CNBD1: variants seen among roughly 807,000 people sequenced by gnomAD.
CNBD1 encodes cyclic nucleotide binding domain containing 1.
CNBD1 carries 71 observed loss-of-function variants against 54.4 expected under a neutral mutation model. That is an observed-to-expected ratio of 1.30 (90% CI 1.08 to 1.59). The LOEUF (loss-of-function observed/expected upper bound fraction) is 1.59. Among genes scored for constraint, CNBD1 ranks in the 40% most tolerant of loss-of-function variants. CNBD1 has a pLI of 0.00. For synonymous variants in CNBD1, 182 were observed against 170.7 expected (o/e 1.07, Z -0.51); for missense variants, 659 against 518.0 (o/e 1.27, Z -2.64).
At chr8:87,154,634 T>A (rs1019557658) in intron 4 of CNBD1, among the ~76,000 whole-genome samples, 3 of 152,170 alleles carry the variant, frequency 2.0e-5, no homozygotes, top group African/African-American at 7.2e-5. Flanking sequence ...TTTAACTTTA[T>A]TTCATATGGT....
intron 8 of CNBD1, among the ~76,000 whole-genome samples, chr8:87,300,888 A>G (rs1808974807): frequency 6.6e-6 from 1 of 152,136 alleles, no homozygotes; most frequent in Admixed American, 6.6e-5. Flanking sequence ...TCTTTTGTAC[A>G]ATACAAAAGA....
At chr8:87,131,923 C>A (rs1378521301) in intron 4 of CNBD1, among the ~76,000 whole-genome samples, 1 of 151,946 alleles carries the variant, frequency 6.6e-6, no homozygotes, top group African/African-American at 2.4e-5. Flanking sequence ...GATGAATATT[C>A]TTTGTGCTAG....
intron 6 of CNBD1, among the ~76,000 whole-genome samples, chr8:87,255,984 TATATATATATATATATATATATA>T (rs1419199119): frequency 9.9e-5 from 1 of 10,054 alleles, no homozygotes; most frequent in Non-Finnish European, 1.8e-4. Context: ...TATATATATA[TATATATATATATATATATATATA>T]TATATATATT....
intron 8 of CNBD1, among the ~76,000 whole-genome samples, chr8:87,340,250 T>C (rs964687437): frequency 6.6e-6 from 1 of 152,226 alleles, no homozygotes; most frequent in Non-Finnish European, 1.5e-5. Flanking sequence ...CTGATGGTCG[T>C]ATGGAGGTTT....
At chr8:87,239,561 AAG>A (rs1488071265) in intron 6 of CNBD1, among the ~76,000 whole-genome samples, 1 of 152,280 alleles carries the variant, frequency 6.6e-6, no homozygotes, top group Admixed American at 6.5e-5. Flanking sequence ...CCGAACAACT[AAG>A]AAGAAGAAAA....
At chr8:87,098,751 T>G (rs1209569290) in intron 4 of CNBD1, among the ~76,000 whole-genome samples, 2 of 145,496 alleles carry the variant, frequency 1.4e-5, no homozygotes, top group Non-Finnish European at 3.0e-5. Flanking sequence ...AAAAAAAAAC[T>G]CCTGGGCCAG....
chr8:86,937,728 G>A (rs1420522806), intron 3 of CNBD1, among the ~76,000 whole-genome samples: 1 of 103,790 alleles, frequency 9.6e-6, no homozygotes, highest in Non-Finnish European at 2.2e-5. Context: ...CGAGACCCAT[G>A]AAACCATTTT....
intron 6 of CNBD1, among the ~76,000 whole-genome samples, chr8:87,243,902 T>C (rs1196776142): frequency 2.6e-5 from 4 of 152,166 alleles, no homozygotes; most frequent in Non-Finnish European, 5.9e-5. Context: ...TTGATCTATG[T>C]GTGACTGGAG....
chr8:87,265,920 A>G (rs886366472), intron 6 of CNBD1, among the ~76,000 whole-genome samples: 7 of 152,154 alleles, frequency 4.6e-5, no homozygotes, highest in African/African-American at 7.2e-5. Flanking sequence ...CAATAAAACA[A>G]AAAATTCCCA....
rs191642842 is a variant in CNBD1, at chr8:86,896,084, A to T, written c.158+8473A>T. Among the ~76,000 whole-genome samples, 8 of 152,230 alleles carry T rather than the reference A, an allele frequency of 5.3e-5. No individual in the cohort carries two copies. In the East Asian group the frequency reaches 1.5e-3, roughly 29 times the overall value. ...TATTGAGTTTATTTTTGTGTATGGC[A>T]TAAGATAGGGGTACAATTTCATTCT... On this transcript the variant is annotated intron_variant, in intron 2 of 10. Coordinates refer to ENST00000518476, the MANE Select transcript of CNBD1 (RefSeq NM_173538.3).
intron 4 of CNBD1, among the ~76,000 whole-genome samples, chr8:87,194,626 AT>A: frequency 6.6e-6 from 1 of 152,286 alleles, no homozygotes; most frequent in Non-Finnish European, 1.5e-5. Flanking sequence ...CTGAATACTT[AT>A]TTTTAATTTT....
intron 5 of CNBD1, among the ~76,000 whole-genome samples, chr8:87,209,742 C>T (rs1172693242): frequency 6.6e-6 from 1 of 152,088 alleles, no homozygotes; most frequent in Non-Finnish European, 1.5e-5. Context: ...AAGAACAAAG[C>T]TAGAGGCATC....
intron 4 of CNBD1, among the ~76,000 whole-genome samples, chr8:87,152,312 A>C (rs959730987): frequency 2.0e-5 from 3 of 152,074 alleles, no homozygotes; most frequent in African/African-American, 7.2e-5. Flanking sequence ...ATGATAACCA[A>C]TATTTCATTT....
chr8:87,169,649 A>T (rs1489448441), intron 4 of CNBD1, among the ~76,000 whole-genome samples: 1 of 152,048 alleles, frequency 6.6e-6, no homozygotes, highest in Non-Finnish European at 1.5e-5. Flanking sequence ...TCCCAACACC[A>T]TTTATTGAAG....
At chr8:87,280,684 T>G (rs2130866305) in intron 6 of CNBD1, among the ~76,000 whole-genome samples, 1 of 151,710 alleles carries the variant, frequency 6.6e-6, no homozygotes, top group South Asian at 2.1e-4. Context: ...GAAATTGTAT[T>G]TTTATAAAAT....
chr8:87,111,686 A>T (rs948975243), intron 4 of CNBD1, among the ~76,000 whole-genome samples: 3 of 152,170 alleles, frequency 2.0e-5, no homozygotes, highest in Admixed American at 6.5e-5. Context: ...TCTTTGGGTT[A>T]TATAGTAAGT....
chr8:87,387,893 A>G (rs1053167160), intron 2 of CNBD1, among the ~76,000 whole-genome samples: 1 of 152,292 alleles, frequency 6.6e-6, no homozygotes, highest in Middle Eastern at 3.4e-3. Context: ...AATAGAAATT[A>G]TAACAAACTG....
chr8:87,368,161 A>AAAAAGAAAAGAAAAGAAAAGAAAAG lies in CNBD1; in HGVS notation c.1303+14378_1303+14402dup, dbSNP rs71277938. Among the ~76,000 whole-genome samples, 369 of 148,230 alleles carry AAAAAGAAAAGAAAAGAAAAGAAAAG rather than the reference A, an allele frequency of 2.5e-3. 4 individuals carry two copies. Among genetic ancestry groups the AAAAAGAAAAGAAAAGAAAAGAAAAG allele is most frequent in the African/African-American group, 7.0e-3 (281 of 40,278 alleles). On this transcript the variant is annotated intron_variant, in intron 10 of 10. Coordinates refer to ENST00000518476, the MANE Select transcript of CNBD1 (RefSeq NM_173538.3). ...TGGGTGACAGAGCGAGATTCCATCT[A>AAAAAGAAAAGAAAAGAAAAGAAAAG]AAAAGAAAAGAAAAGAAAAGAAAAG...
intron 2 of CNBD1, among the ~76,000 whole-genome samples, chr8:87,396,457 A>G (rs977511919): frequency 1.2e-4 from 18 of 152,048 alleles, no homozygotes; most frequent in African/African-American, 4.1e-4. Context: ...TGTGTTATTT[A>G]TAATACTATG....
Sources: allele counts gnomAD v4.1 joint callset (sites outside exome capture counted in the v4.1 genomes callset), GRCh38; gene constraint gnomAD v4.1.1; transcripts MANE v1.5; gene names NCBI Gene and HGNC (gene_info 2026-07-23, HGNC 2026-07-21).